The following CTNNA3 variants were observed in gnomAD, a reference collection of about 807,000 sequenced individuals.
CTNNA3 encodes the protein catenin alpha 3, also known as catenin alpha-3.
CTNNA3 carries 76 observed loss-of-function variants against 95.7 expected under a neutral mutation model. That is an observed-to-expected ratio of 0.79 (90% CI 0.66 to 0.96). CTNNA3 has a LOEUF of 0.96. Ranked by LOEUF, CTNNA3 falls within the 40% of genes least tolerant of loss-of-function variation. The pLI, the probability that CTNNA3 is intolerant of heterozygous loss-of-function variation, is 0.00. For synonymous variants in CTNNA3, 431 were observed against 374.4 expected (o/e 1.15, Z -1.74); for missense variants, 1,191 against 1,089.8 (o/e 1.09, Z -1.31).
chr10:67,686,308 C>T (rs1282350801), intron 1 of CTNNA3, among the ~76,000 whole-genome samples: 1 of 152,214 alleles, frequency 6.6e-6, no homozygotes, highest in Non-Finnish European at 1.5e-5. Flanking sequence ...ATAACCTGCC[C>T]TTCGTATCCC....
At chr10:66,427,146 C>T (rs2093249465) in intron 11 of CTNNA3, among the ~76,000 whole-genome samples, 2 of 151,916 alleles carry the variant, frequency 1.3e-5, no homozygotes. Context: ...CCTTTAGTTG[C>T]ATACAGTGTG....
chr10:66,233,426 C>T (rs1197052487), intron 13 of CTNNA3, among the ~76,000 whole-genome samples: 1 of 152,056 alleles, frequency 6.6e-6, no homozygotes, highest in Non-Finnish European at 1.5e-5. Flanking sequence ...ACATTACACT[C>T]ATCAGACCAA....
At chr10:66,102,067 T>A (rs1589405385) in intron 14 of CTNNA3, among the ~76,000 whole-genome samples, 1 of 152,116 alleles carries the variant, frequency 6.6e-6, no homozygotes, top group Non-Finnish European at 1.5e-5. Flanking sequence ...AGAGCTTGTA[T>A]AACAATATGT....
intron 7 of CTNNA3, among the ~76,000 whole-genome samples, chr10:66,886,904 C>A (rs140404113): frequency 8.4e-4 from 128 of 152,186 alleles, no homozygotes; most frequent in African/African-American, 2.6e-3. Flanking sequence ...TTTCTTCAGT[C>A]CATCAAACTC....
At chr10:66,485,478 A>G (rs1032978645) in intron 11 of CTNNA3, among the ~76,000 whole-genome samples, 1 of 152,124 alleles carries the variant, frequency 6.6e-6, no homozygotes, top group African/African-American at 2.4e-5. Flanking sequence ...AATTAAGAAA[A>G]CAATGTCATT....
At chr10:65,947,090 GTTTT>G in intron 17 of CTNNA3, among the ~76,000 whole-genome samples, 1 of 143,650 alleles carries the variant, frequency 7.0e-6, no homozygotes, top group South Asian at 2.2e-4. Context: ...TCTTTTGTTT[GTTTT>G]TTTTTTTTTT....
intron 9 of CTNNA3, among the ~76,000 whole-genome samples, chr10:66,676,907 G>A (rs112991204): frequency 6.6e-6 from 1 of 152,190 alleles, no homozygotes; most frequent in African/African-American, 2.4e-5. Flanking sequence ...GGCAGAGCAG[G>A]TGAATCTCCC....
intron 5 of CTNNA3, among the ~76,000 whole-genome samples, chr10:67,407,963 A>G (rs1246588440): frequency 6.6e-6 from 1 of 151,974 alleles, no homozygotes; most frequent in Non-Finnish European, 1.5e-5. Flanking sequence ...AAGTAGAGAA[A>G]CAAATCATAA....
chr10:66,896,270 C>T (rs1008477829), intron 7 of CTNNA3, among the ~76,000 whole-genome samples: 19 of 152,078 alleles, frequency 1.2e-4, no homozygotes, highest in African/African-American at 4.3e-4. Flanking sequence ...TATATCCTTC[C>T]TTCTAGGCCT....
chr10:67,407,641 T>C (rs925579054), intron 5 of CTNNA3, among the ~76,000 whole-genome samples: 2 of 152,146 alleles, frequency 1.3e-5, no homozygotes, highest in Admixed American at 1.3e-4. Flanking sequence ...CGTTTGCAGG[T>C]GACATAATTG....
intron 3 of CTNNA3, among the ~76,000 whole-genome samples, chr10:67,566,456 C>A (rs1257464650): frequency 1.3e-5 from 2 of 152,008 alleles, no homozygotes; most frequent in East Asian, 1.9e-4. Context: ...AAATGCAAAT[C>A]AAAACCACAA....
chr10:67,528,460 A>C (rs1367226945), intron 4 of CTNNA3, among the ~76,000 whole-genome samples: 1 of 152,026 alleles, frequency 6.6e-6, no homozygotes, highest in Non-Finnish European at 1.5e-5. Context: ...CACACAGTTC[A>C]CCCTTCATCT....
At position 67,274,424 on chromosome 10, in the gene CTNNA3, T is replaced by A. The variant is rs16924310; in HGVS notation, c.580-54554A>T. The stretch of plus-strand genomic sequence containing the variant: ...ATTACAATTCTTGATTTCCACGACC[T>A]CAATAGCATAATCACAAATATTTGA... On this transcript the variant is annotated intron_variant, in intron 5 of 17. Coordinates refer to ENST00000433211, the MANE Select transcript of CTNNA3 (RefSeq NM_013266.4). 0.018 allele frequency among the ~76,000 whole-genome samples: 2,790 copies of A among 152,262 alleles called. 233 individuals are homozygous for A. In the East Asian group the frequency reaches 0.25, roughly 14 times the overall value.
chr10:66,505,628 C>A (rs1263892182), intron 11 of CTNNA3, among the ~76,000 whole-genome samples: 1 of 152,038 alleles, frequency 6.6e-6, no homozygotes, highest in Non-Finnish European at 1.5e-5. Context: ...AGCTAGGATG[C>A]AGTTATCAAA....
intron 2 of CTNNA3, among the ~76,000 whole-genome samples, chr10:67,627,917 A>G (rs1328031482): frequency 1.3e-5 from 2 of 151,876 alleles, no homozygotes; most frequent in African/African-American, 4.8e-5. Context: ...GTAAAATGTT[A>G]TAAGGTATGA....
At chr10:67,166,443 T>A (rs1344555641) in intron 7 of CTNNA3, among the ~76,000 whole-genome samples, 1 of 152,216 alleles carries the variant, frequency 6.6e-6, no homozygotes, top group African/African-American at 2.4e-5. Context: ...CTGTTATAAG[T>A]GTTTAATTTA....
intron 12 of CTNNA3, among the ~76,000 whole-genome samples, chr10:66,323,980 C>T (rs917092105): frequency 2.0e-5 from 3 of 151,938 alleles, no homozygotes; most frequent in Non-Finnish European, 1.5e-5. Context: ...GGAAGATCAT[C>T]TTTCCACTCC....
intron 15 of CTNNA3, among the ~76,000 whole-genome samples, chr10:65,989,203 T>A (rs2078489272): frequency 1.3e-5 from 2 of 152,228 alleles, no homozygotes; most frequent in Admixed American, 1.3e-4. Context: ...CCTCCCAAAG[T>A]GCTGGGATTA....
At chr10:67,648,841 A>T in intron 1 of CTNNA3, 1 of 1,238,264 alleles carries the variant, frequency 8.1e-7, no homozygotes, top group South Asian at 1.3e-5. Context: ...ACACGCTTCA[A>T]GAAAGGCTCC....
Sources: gnomAD v4.1 joint callset for allele counts (sites outside exome capture counted in the v4.1 genomes callset) on GRCh38, gnomAD v4.1.1 for gene constraint, MANE v1.5 for transcripts, NCBI Gene and HGNC (gene_info 2026-07-23, HGNC 2026-07-21) for gene names.